The following CCDC18 variants were observed in gnomAD, a reference collection of about 807,000 sequenced individuals.
The protein encoded by CCDC18 is coiled-coil domain-containing protein 18.
CCDC18 carries 157 observed loss-of-function variants against 196.0 expected under a neutral mutation model. That is an observed-to-expected ratio of 0.80 (90% CI 0.70 to 0.91). The LOEUF is 0.91. Among genes scored for constraint, CCDC18 ranks in the 40% least tolerant of loss-of-function variants. The pLI is 0.00. For synonymous variants in CCDC18, 482 were observed against 529.2 expected (o/e 0.91, Z 1.22); for missense variants, 1,465 against 1,611.6 (o/e 0.91, Z 1.56).
At chr1:93,208,200 A>G (rs1016317556) in intron 9 of CCDC18, among the ~76,000 whole-genome samples, 1 of 152,188 alleles carries the variant, frequency 6.6e-6, no homozygotes, top group Non-Finnish European at 1.5e-5. Flanking sequence ...ACACTATTTT[A>G]CATTCTCACC....
In CCDC18 at chr1:93,239,449, G is replaced by C. The variant is rs774207938; in HGVS notation, c.2743G>C (p.Glu915Gln). 6 of 1,609,532 alleles carry C rather than the reference G, an allele frequency of 3.7e-6. No individual in the cohort carries two copies. The highest frequency in any genetic ancestry group is 5.1e-6 in the Non-Finnish European group (6 of 1,178,626). The change falls in exon 20 of 29, where the codon GAG (glutamate) becomes CAG (glutamine). Residue 915 changes from glutamate (E) to glutamine (Q), a missense_variant. Physicochemically the swap from Glu to Gln is conservative, Grantham distance 29. Coordinates refer to ENST00000690025, the MANE Select transcript of CCDC18 (RefSeq NM_001378204.1). ...TATGATCTTAGATCAGACAAAGACA[G>C]AGCTAGAAAAGAAAACAAATGCTGG... ...LDMILDQTKTELEKKTNAVKE... is the reference protein window; with the variant it reads ...LDMILDQTKTQLEKKTNAVKE...
rs1226842309 is a variant in CCDC18, at chr1:93,217,839, G to A, written c.1932G>A (p.Gln644=). The A allele has an allele frequency of 1.2e-6, 2 of 1,611,826 alleles. No individual in the cohort carries two copies. Among genetic ancestry groups the A allele is most frequent in the Admixed American group, 1.7e-5 (1 of 59,782 alleles). ...AAGCAAAGAAAATTCACTTGGAACA[G>A]CATAAAGAAATGGAAAAGCAGATTG... ...FEKAKKIHLE[Q]HKEMEKQIER... Residue 644 remains glutamine (Q), a synonymous_variant, in exon 14 of 29, where the codon CAG becomes CAA. Transcript: ENST00000690025.
At chr1:93,214,610 C>G in intron 11 of CCDC18, 133 bp from the exon 12 acceptor site, 1 of 598,014 alleles carries the variant, frequency 1.7e-6, no homozygotes, top group Non-Finnish European at 3.0e-6. Flanking sequence ...TAATGAATGT[C>G]TCATTCTCTG....
chr1:93,180,506 C>A, upstream of CCDC18: 1 of 1,537,018 alleles, frequency 6.5e-7, no homozygotes. Flanking sequence ...CCGCCCGCCT[C>A]TCCCCCTGAC....
chr1:93,239,844 T>C lies in CCDC18; in HGVS notation c.2929T>C (p.Leu977=), dbSNP rs542560574. 6.9e-5 allele frequency: 111 copies of C among 1,613,300 alleles called. No individual in the cohort carries two copies. The highest frequency in any genetic ancestry group is 4.7e-4 in the South Asian group (43 of 91,054). ...ELRDVLQKAQ[L]SLEEKYTTIK... ...GAGAGATGTACTACAGAAGGCTCAA[T>C]TATCATTAGAGGAAAAATACACTAC... The change falls in exon 21 of 29, where the codon TTA becomes CTA. Residue 977 remains leucine, a synonymous_variant. Coordinates refer to ENST00000690025, the MANE Select transcript of CCDC18 (RefSeq NM_001378204.1).
At chr1:93,197,120 A>G (rs1652856238) in intron 6 of CCDC18, among the ~76,000 whole-genome samples, 1 of 152,218 alleles carries the variant, frequency 6.6e-6, no homozygotes, top group Non-Finnish European at 1.5e-5. Context: ...GGTCAGGAAA[A>G]GGAGGACATC....
intron 17 of CCDC18, among the ~76,000 whole-genome samples, chr1:93,227,971 A>AAAAAAAT (rs57726461): frequency 8.0e-5 from 10 of 125,320 alleles, no homozygotes; most frequent in African/African-American, 2.0e-4. Context: ...AAAAAAAAAA[A>AAAAAAAT]ATATATATAT....
At chr1:93,244,157 A>G (rs554172141) in intron 21 of CCDC18, among the ~76,000 whole-genome samples, 3 of 152,348 alleles carry the variant, frequency 2.0e-5, no homozygotes, top group East Asian at 1.9e-4. Context: ...TGAAAGGCAC[A>G]TCTCACTGGT....
chr1:93,224,203 C>T (rs1288878368), intron 16 of CCDC18, among the ~76,000 whole-genome samples: 3 of 152,162 alleles, frequency 2.0e-5, no homozygotes, highest in African/African-American at 4.8e-5. Context: ...TTATCTCTCT[C>T]TACACATACA....
In CCDC18 at chr1:93,264,821, G is replaced by A. The variant is rs756119830; in HGVS notation, c.3805G>A (p.Asp1269Asn). 9.3e-6 allele frequency: 15 copies of A among 1,613,406 alleles called. No homozygotes were observed. In the South Asian group the frequency reaches 1.6e-4, roughly 18 times the overall value. ...AAAATTGGAATTAGAAGAAGCTCAG[G>A]ATACTGTAAGCAATTTGCATCAACA... ...KAKLELEEAQ[D>N]TVSNLHQQVQ... Residue 1269 changes from aspartate to asparagine, a missense_variant, in exon 27 of 29, where the codon GAT becomes AAT. Physicochemically the swap from Asp to Asn is conservative, Grantham distance 23 (BLOSUM62 1). Transcript: ENST00000690025.
chr1:93,250,987 T>G (rs1662164387), intron 23 of CCDC18, among the ~76,000 whole-genome samples: 1 of 152,340 alleles, frequency 6.6e-6, no homozygotes, highest in South Asian at 2.1e-4. Context: ...GATCTGTGCC[T>G]TTCTGTTACT....
chr1:93,246,748 A>G, intron 22 of CCDC18, 90 bp from the exon 23 acceptor site: 3 of 662,806 alleles, frequency 4.5e-6, no homozygotes, highest in Admixed American at 2.8e-5. Context: ...TACTTGTTAT[A>G]CTTGCTATAA....
chr1:93,240,028 A>C, intron 21 of CCDC18, 132 bp downstream of exon 21: 1 of 648,552 alleles, frequency 1.5e-6, no homozygotes, highest in Non-Finnish European at 2.6e-6. Flanking sequence ...CAGCCAGCCT[A>C]TCCCATGCCT....
intron 6 of CCDC18, among the ~76,000 whole-genome samples, chr1:93,197,109 T>G (rs1652853822): frequency 6.6e-6 from 1 of 152,042 alleles, no homozygotes; most frequent in Admixed American, 6.6e-5. Flanking sequence ...GACTATTGTG[T>G]GGTCAGGAAA....
At chr1:93,192,572 C>T (rs1400442456) in intron 5 of CCDC18, among the ~76,000 whole-genome samples, 2 of 152,312 alleles carry the variant, frequency 1.3e-5, no homozygotes, top group East Asian at 3.9e-4. Context: ...GGTGGGACTA[C>T]AGGCACGCAC....
chr1:93,265,904 G>C (rs1479137676), intron 27 of CCDC18, among the ~76,000 whole-genome samples: 1 of 152,020 alleles, frequency 6.6e-6, no homozygotes, highest in South Asian at 2.1e-4. Context: ...AAATCAACAA[G>C]GATATCCAGG....
chr1:93,180,305 C>T, upstream of CCDC18: 1 of 1,496,922 alleles, frequency 6.7e-7, no homozygotes. Context: ...CTCCGCGTTT[C>T]CTCTCTGGAC....
chr1:93,191,899 G>A, intron 4 of CCDC18, 101 bp from the exon 5 acceptor site: 3 of 691,266 alleles, frequency 4.3e-6, no homozygotes, highest in Non-Finnish European at 5.1e-6. Context: ...CAATGATTTG[G>A]GAGCCCTATT....
At position 93,254,424 on chromosome 1, in the gene CCDC18, T is replaced by G. The variant is rs759591348; in HGVS notation, c.3199-47T>G. 3 of 1,387,312 alleles carry G rather than the reference T, an allele frequency of 2.2e-6. No homozygotes were observed. In the South Asian group the frequency reaches 4.0e-5, roughly 18 times the overall value. 85.9% of individuals were successfully genotyped at this position (1,387,312 alleles called of 1,614,324 possible). A position where few individuals can be genotyped will look rare whatever the true frequency, so the allele number is the denominator to read the frequency against. ...ACTTGGAACACAGCATTGATTAAAT[T>G]ACATTTCATTAATTTTACTGATACT... On this transcript the variant is annotated intron_variant, in intron 23 of 28. Transcript: ENST00000690025.
Sources: gnomAD v4.1 joint callset for allele counts (sites outside exome capture counted in the v4.1 genomes callset) on GRCh38, gnomAD v4.1.1 for gene constraint, MANE v1.5 for transcripts, NCBI Gene and HGNC (gene_info 2026-07-23, HGNC 2026-07-21) for gene names.